Variants in RNF157 observed in about 807,000 individuals in gnomAD.
RNF157 encodes ring finger protein 157, also known as E3 ubiquitin ligase RNF157.
A neutral mutation model predicts 88.3 loss-of-function variants in RNF157; 55 were observed. The ratio of observed to expected loss-of-function variants is 0.62; its 90% CI spans 0.50 to 0.78. RNF157 has a LOEUF of 0.78. Among genes scored for constraint, RNF157 ranks in the 30% least tolerant of loss-of-function variants. The probability of loss-of-function intolerance (pLI) is 0.00; values close to 1 mark genes in which losing one functional copy is unlikely to be tolerated. For missense variants in RNF157, 788 were observed against 860.8 expected, an observed-to-expected ratio of 0.92 and a Z score of 1.06; for synonymous variants, 334 against 341.2, an observed-to-expected ratio of 0.98 and a Z score of 0.23.
intron 2 of RNF157, among the ~76,000 whole-genome samples, chr17:76,174,755 T>A (rs2069076571): frequency 6.6e-6 from 1 of 152,186 alleles, no homozygotes; most frequent in Admixed American, 6.5e-5. Context: ...TGGGAAACAA[T>A]ATAGTTAAAC....
chr17:76,150,866 G>A lies in RNF157; in HGVS notation c.1921+1489C>T, dbSNP rs369940307. Among the ~76,000 whole-genome samples, 25 of 152,364 alleles carry A rather than the reference G, an allele frequency of 1.6e-4. No homozygotes were observed. The South Asian group carries it at 4.3e-3, about 26-fold the overall frequency. Reference sequence around the variant, plus strand: ...GTGTGCGTGCCCAGCAAGCTTGGACGGGGTGAAGCATTGGCAGGGAGGACA... The same window carrying A: ...GTGTGCGTGCCCAGCAAGCTTGGACAGGGTGAAGCATTGGCAGGGAGGACA... On this transcript the variant is annotated intron_variant, in intron 18 of 18. Transcript: ENST00000269391.
chr17:76,165,683 CTTT>C, intron 6 of RNF157, 138 bp from the exon 7 acceptor site: 10 of 653,338 alleles, frequency 1.5e-5, no homozygotes, highest in Admixed American at 2.8e-5. Context: ...ATAACCCATA[CTTT>C]TTTTTTTTTG....
At chr17:76,145,452 G>C in intron 18 of RNF157, 99 bp from the exon 19 acceptor site, 1 of 800,852 alleles carries the variant, frequency 1.2e-6, no homozygotes, top group South Asian at 1.7e-5. Context: ...GGAAGGAGCA[G>C]GATGCGTGTC....
intron 1 of RNF157, among the ~76,000 whole-genome samples, chr17:76,212,912 T>C (rs1376129297): frequency 6.6e-6 from 1 of 152,150 alleles, no homozygotes; most frequent in African/African-American, 2.4e-5. Context: ...TTAGAGCAAT[T>C]TCTAATCCCA....
chr17:76,199,307 A>C (rs1330032587), intron 2 of RNF157, among the ~76,000 whole-genome samples: 3 of 152,204 alleles, frequency 2.0e-5, no homozygotes, highest in Non-Finnish European at 4.4e-5. Context: ...TTTTGGCTGG[A>C]GTGCAGTGGC....
Position 76,176,629 on chromosome 17 carries a change from A to C in RNF157, c.208-2839T>G, listed in dbSNP as rs781546456. Among the ~76,000 whole-genome samples the C allele has an allele frequency of 3.9e-5, 6 of 152,154 alleles. No individual in the cohort carries two copies. The highest frequency in any genetic ancestry group is 1.3e-4 in the Admixed American group (2 of 15,282). ...CAGGGGGGTCGCAGGGAGCAGACAG[A>C]CAGCCCCTCCACAGCTTGCCGCCCT... is the stretch of plus-strand genomic sequence containing the variant. On this transcript the variant is annotated intron_variant, in intron 2 of 18. Transcript: ENST00000269391. This position sits in a 1 kb window ranked among gnomAD's most constrained non-coding sequence, Gnocchi z 4.2.
intron 4 of RNF157, 117 bp downstream of exon 4, chr17:76,167,534 G>A: frequency 6.9e-7 from 1 of 1,438,858 alleles, no homozygotes; most frequent in Non-Finnish European, 9.5e-7. Flanking sequence ...CTCCCTATCT[G>A]GGAAGGAAGT....
At chr17:76,207,122 A>C (rs1242518757) in intron 2 of RNF157, among the ~76,000 whole-genome samples, 1 of 152,152 alleles carries the variant, frequency 6.6e-6, no homozygotes, top group Admixed American at 6.5e-5. Flanking sequence ...CTTGATAATA[A>C]ATTTGGCTTT....
chr17:76,172,850 T>C (rs1348899060), intron 3 of RNF157, among the ~76,000 whole-genome samples: 1 of 151,860 alleles, frequency 6.6e-6, no homozygotes, highest in East Asian at 1.9e-4. Context: ...GCAGTGGGAA[T>C]GTATCAGACT....
chr17:76,166,572 C>T (rs2068928955), intron 5 of RNF157, 45 bp from the exon 6 acceptor site: 1 of 1,468,672 alleles, frequency 6.8e-7, no homozygotes, highest in African/African-American at 1.4e-5. Flanking sequence ...GGACTTAACA[C>T]ATTTACATGG....
At chr17:76,158,524 C>A in intron 12 of RNF157, 23 bp from the exon 13 acceptor site, 1 of 1,502,752 alleles carries the variant, frequency 6.7e-7, no homozygotes, top group Non-Finnish European at 9.3e-7. Context: ...AGTGGAAAAG[C>A]AGCTATATCC....
At chr17:76,212,152 C>T in intron 2 of RNF157, 1 of 479,960 alleles carries the variant, frequency 2.1e-6, no homozygotes, top group Non-Finnish European at 3.7e-6. Flanking sequence ...GAGACTCATC[C>T]TCTCCCTCAC....
intron 1 of RNF157, chr17:76,226,764 C>T (rs1334551049): frequency 1.6e-5 from 25 of 1,583,574 alleles, no homozygotes; most frequent in Non-Finnish European, 2.0e-5. Context: ...GACATCAAGT[C>T]CCCCACCAAC....
intron 6 of RNF157, among the ~76,000 whole-genome samples, chr17:76,166,163 C>A (rs1313648774): frequency 6.6e-6 from 1 of 152,166 alleles, no homozygotes; most frequent in African/African-American, 2.4e-5. Flanking sequence ...TTAGTAGAGA[C>A]AGGGTTTCCC....
chr17:76,232,320 C>T (rs2070207109), intron 1 of RNF157, among the ~76,000 whole-genome samples: 1 of 151,650 alleles, frequency 6.6e-6, no homozygotes, highest in Admixed American at 6.6e-5. Context: ...CCCAGTAGGT[C>T]GACGCTGCAG....
chr17:76,238,372 A>G (rs1277752975), intron 1 of RNF157, among the ~76,000 whole-genome samples: 2 of 152,224 alleles, frequency 1.3e-5, no homozygotes, highest in African/African-American at 4.8e-5. Context: ...TCTCATGTAT[A>G]ACTTCTGATT....
At chr17:76,203,790 C>A (rs982802811) in intron 2 of RNF157, among the ~76,000 whole-genome samples, 1 of 113,192 alleles carries the variant, frequency 8.8e-6, no homozygotes, top group Non-Finnish European at 1.7e-5. Flanking sequence ...TTTTTTGGGA[C>A]GGAGTCTCGC....
chr17:76,145,492 C>T, intron 18 of RNF157, 139 bp from the exon 19 acceptor site: 3 of 622,256 alleles, frequency 4.8e-6, no homozygotes, highest in Non-Finnish European at 5.7e-6. Context: ...GTGCGAGCCA[C>T]AGCACTCGTG....
At chr17:76,185,552 C>T (rs1245367691) in intron 2 of RNF157, among the ~76,000 whole-genome samples, 1 of 150,502 alleles carries the variant, frequency 6.6e-6, no homozygotes, top group African/African-American at 2.5e-5. Flanking sequence ...TCACTGCAAG[C>T]TCCGCCTCCC....
Sources: allele counts gnomAD v4.1 joint callset (sites outside exome capture counted in the v4.1 genomes callset), GRCh38; gene constraint gnomAD v4.1.1; non-coding constraint Gnocchi (gnomAD v3.1); transcripts MANE v1.5; gene names NCBI Gene and HGNC (gene_info 2026-07-23, HGNC 2026-07-21).